The following PCDH7 variants were observed in gnomAD, a reference collection of about 807,000 sequenced individuals.
PCDH7 encodes protocadherin 7.
PCDH7 carries 17 observed loss-of-function variants against 58.9 expected under a neutral mutation model. That is an observed-to-expected ratio of 0.29 (90% CI 0.20 to 0.43). The LOEUF is 0.43. PCDH7 is among the 20% of genes least tolerant of loss of function. PCDH7 has a pLI of 1.00. For synonymous variants in PCDH7, 664 were observed against 616.4 expected (o/e 1.08, Z -1.14); for missense variants, 1,274 against 1,441.0 (o/e 0.88, Z 1.88).
intron 1 of PCDH7, among the ~76,000 whole-genome samples, chr4:30,819,557 C>G (rs76862449): frequency 0.016 from 2,508 of 152,180 alleles, 65 homozygotes; most frequent in African/African-American, 0.056. Context: ...TTGCTAAGGA[C>G]AAATTAAATG....
intron 1 of PCDH7, among the ~76,000 whole-genome samples, chr4:30,863,838 G>A (rs1734522218): frequency 6.6e-6 from 1 of 151,964 alleles, no homozygotes; most frequent in African/African-American, 2.4e-5. Context: ...TTTCATAATT[G>A]TGTATTCTGT....
At chr4:30,737,659 G>T (rs938598499), downstream of PCDH7, among the ~76,000 whole-genome samples, 2 of 152,200 alleles carry the variant, frequency 1.3e-5, no homozygotes, top group Non-Finnish European at 2.9e-5. Flanking sequence ...CATCAACCGA[G>T]TGTGGCCTTC....
intron 3 of PCDH7, among the ~76,000 whole-genome samples, chr4:31,037,561 C>G (rs901653722): frequency 2.6e-4 from 39 of 152,128 alleles, no homozygotes; most frequent in Non-Finnish European, 3.2e-4. Context: ...TTATTTCTTC[C>G]TGTATCTTCA....
At chr4:31,097,340 G>A (rs1714139163) in intron 3 of PCDH7, among the ~76,000 whole-genome samples, 1 of 151,530 alleles carries the variant, frequency 6.6e-6, no homozygotes, top group African/African-American at 2.4e-5. Flanking sequence ...TGTAATCCCA[G>A]CTACTTGGGA....
At chr4:30,911,099 G>C (rs945413499) in intron 1 of PCDH7, among the ~76,000 whole-genome samples, 19 of 152,076 alleles carry the variant, frequency 1.2e-4, no homozygotes, top group Non-Finnish European at 1.5e-5. Context: ...ATAAGTGGGA[G>C]TTGAACAATG....
chr4:30,968,380 A>AGTGTG (rs1560541581), intron 3 of PCDH7, among the ~76,000 whole-genome samples: 69 of 45,646 alleles, frequency 1.5e-3, no homozygotes, highest in African/African-American at 0.012. Flanking sequence ...CACACACTAT[A>AGTGTG]TATATATATA....
intron 1 of PCDH7, chr4:30,885,059 CT>C (rs1300278041): frequency 1.3e-5 from 2 of 152,104 alleles, no homozygotes; most frequent in African/African-American, 2.4e-5. Flanking sequence ...GTAAGGGTGG[CT>C]TTGTCAACTG....
chr4:30,963,416 C>A (rs1030342374), intron 3 of PCDH7, among the ~76,000 whole-genome samples: 2 of 152,044 alleles, frequency 1.3e-5, no homozygotes, highest in Admixed American at 6.6e-5. Flanking sequence ...TTATTTAAGA[C>A]CAAGTATATA....
chr4:30,943,259 C>A (rs964932717), intron 2 of PCDH7, among the ~76,000 whole-genome samples: 1 of 152,218 alleles, frequency 6.6e-6, no homozygotes, highest in Non-Finnish European at 1.5e-5. Flanking sequence ...AAGCTCTCAG[C>A]ATGATAACCA....
chr4:30,753,038 A>G (rs1718777091), intron 1 of PCDH7, among the ~76,000 whole-genome samples: 1 of 152,158 alleles, frequency 6.6e-6, no homozygotes, highest in South Asian at 2.1e-4. Context: ...AAGTGTTGAG[A>G]TTCCAGGAAT....
intron 1 of PCDH7, among the ~76,000 whole-genome samples, chr4:30,844,988 T>G (rs1435406339): frequency 1.3e-5 from 2 of 152,096 alleles, no homozygotes; most frequent in Non-Finnish European, 2.9e-5. Flanking sequence ...TTGGTTTTAG[T>G]TTTCTTTTCC....
At chr4:30,905,574 C>T (rs763198617) in intron 1 of PCDH7, among the ~76,000 whole-genome samples, 4 of 152,154 alleles carry the variant, frequency 2.6e-5, no homozygotes, top group Non-Finnish European at 5.9e-5. Flanking sequence ...CCTGACTTTG[C>T]AGCATGTAGA....
intron 1 of PCDH7, among the ~76,000 whole-genome samples, chr4:30,727,655 T>C (rs188668967): frequency 1.2e-4 from 18 of 152,084 alleles, no homozygotes; most frequent in African/African-American, 4.3e-4. Flanking sequence ...TCATTCTTCC[T>C]TGGTAAACCT....
At chr4:30,924,904 C>T (rs1042105377) in intron 2 of PCDH7, among the ~76,000 whole-genome samples, 22 of 149,784 alleles carry the variant, frequency 1.5e-4, no homozygotes, top group Admixed American at 1.4e-3. Context: ...AAAAAAAAAA[C>T]AGCAGATGAT....
intron 1 of PCDH7, among the ~76,000 whole-genome samples, chr4:30,898,757 A>AT (rs1032525874): frequency 1.1e-4 from 16 of 151,946 alleles, no homozygotes; most frequent in Middle Eastern, 3.2e-3. Context: ...CGCCCGGCTA[A>AT]TTTTTTTGTA....
chr4:30,935,949 C>A (rs149022140), intron 2 of PCDH7, among the ~76,000 whole-genome samples: 2 of 152,028 alleles, frequency 1.3e-5, no homozygotes, highest in South Asian at 4.1e-4. Context: ...AAAGGCACCA[C>A]GTCATCACAG....
At chr4:30,798,661 C>A (rs1463934972) in intron 1 of PCDH7, among the ~76,000 whole-genome samples, 2 of 152,106 alleles carry the variant, frequency 1.3e-5, no homozygotes, top group Admixed American at 6.5e-5. Context: ...TTGTTGAATA[C>A]TAACAGTAAA....
intron 3 of PCDH7, among the ~76,000 whole-genome samples, chr4:31,055,988 G>T (rs1757135071): frequency 6.6e-6 from 1 of 152,132 alleles, no homozygotes; most frequent in Non-Finnish European, 1.5e-5. Context: ...TTGTAATGTA[G>T]GTCTCAAATT....
intron 1 of PCDH7, among the ~76,000 whole-genome samples, chr4:30,748,739 C>T (rs1039668008): frequency 1.3e-5 from 2 of 152,074 alleles, no homozygotes; most frequent in Non-Finnish European, 2.9e-5. Flanking sequence ...AATTGACATC[C>T]TATGTGATAT....
Sources: gnomAD v4.1 joint callset for allele counts (sites outside exome capture counted in the v4.1 genomes callset) on GRCh38, gnomAD v4.1.1 for gene constraint, MANE v1.5 for transcripts, NCBI Gene and HGNC (gene_info 2026-07-23, HGNC 2026-07-21) for gene names.